The following SHCBP1L variants were observed in gnomAD, a reference collection of about 807,000 sequenced individuals.
SHCBP1L encodes the protein SHC binding and spindle associated 1 like, also known as testicular spindle-associated protein SHCBP1L.
A neutral mutation model predicts 62.5 loss-of-function variants in SHCBP1L; 67 were observed. The observed-to-expected ratio is 1.07, with a 90% confidence interval of 0.88 to 1.31. The LOEUF is 1.31. SHCBP1L is among the 40% of genes most tolerant of loss of function. The probability of loss-of-function intolerance (pLI) is 0.00; values close to 1 mark genes in which losing one functional copy is unlikely to be tolerated. For synonymous variants in SHCBP1L, 284 were observed against 289.4 expected (o/e 0.98, Z 0.19); for missense variants, 823 against 809.8 (o/e 1.02, Z -0.20).
intron 6 of SHCBP1L, among the ~76,000 whole-genome samples, chr1:182,925,824 G>T (rs899920927): frequency 6.6e-6 from 1 of 152,164 alleles, no homozygotes; most frequent in African/African-American, 2.4e-5. Flanking sequence ...ACCAACTGAT[G>T]AATGTATAAG....
Position 182,941,967 on chromosome 1 carries a change from G to A in SHCBP1L, c.556-1424C>T, listed in dbSNP as rs952829539. On this transcript the variant is annotated intron_variant, in intron 2 of 9. Transcript: ENST00000367547. ...CATTTACACTTAAAAAATGGGATGA[G>A]GTGGGATTCCCTCCTTCTTAAAAAT... 6.1e-6 allele frequency: 7 copies of A among 1,140,194 alleles called. No homozygotes were observed. In the African/African-American group the frequency reaches 9.2e-5, roughly 15 times the overall value. 70.6% of individuals were successfully genotyped at this position (1,140,194 alleles called of 1,614,324 possible). A position where few individuals can be genotyped will look rare whatever the true frequency, so the allele number is the denominator to read the frequency against.
chr1:182,936,130 G>GTTTTTTTTTTTTTTTTTTTTTTT (rs71127329), intron 5 of SHCBP1L, among the ~76,000 whole-genome samples: 5 of 63,982 alleles, frequency 7.8e-5, no homozygotes, highest in Non-Finnish European at 1.6e-4. Context: ...TTTGTTTTTT[G>GTTTTTTTTTTTTTTTTTTTTTTT]TTTTTTTTTT....
At chr1:182,940,282 CT>C in intron 3 of SHCBP1L, 46 bp downstream of exon 3, 1 of 1,516,318 alleles carries the variant, frequency 6.6e-7, no homozygotes, top group Non-Finnish European at 9.0e-7. Context: ...TTCACATTAA[CT>C]TTTGGATATA....
At chr1:182,918,558 T>G (rs1650431836) in intron 6 of SHCBP1L, among the ~76,000 whole-genome samples, 1 of 152,192 alleles carries the variant, frequency 6.6e-6, no homozygotes, top group African/African-American at 2.4e-5. Flanking sequence ...AAGATTTTAA[T>G]ATTGCTAAAA....
At chr1:182,920,420 A>G (rs892257691) in intron 6 of SHCBP1L, among the ~76,000 whole-genome samples, 1 of 152,158 alleles carries the variant, frequency 6.6e-6, no homozygotes, top group Admixed American at 6.6e-5. Context: ...AAAGCAAAAA[A>G]ACCCCATCCA....
chr1:182,931,378 A>G (rs1650991629), intron 5 of SHCBP1L, among the ~76,000 whole-genome samples: 1 of 152,138 alleles, frequency 6.6e-6, no homozygotes, highest in Non-Finnish European at 1.5e-5. Context: ...GTGTTTTTTA[A>G]TCAGGTTTAT....
intron 6 of SHCBP1L, among the ~76,000 whole-genome samples, chr1:182,918,213 C>T (rs1048554438): frequency 4.8e-5 from 7 of 147,002 alleles, no homozygotes; most frequent in African/African-American, 1.7e-4. Flanking sequence ...TATATATACA[C>T]ATATATATAC....
intron 6 of SHCBP1L, among the ~76,000 whole-genome samples, chr1:182,921,426 A>C (rs960274890): frequency 6.6e-6 from 1 of 152,248 alleles, no homozygotes; most frequent in Non-Finnish European, 1.5e-5. Flanking sequence ...TTCACACTAT[A>C]AAGTAACTGC....
chr1:182,930,727 A>ATGTTT (rs1557999584), intron 5 of SHCBP1L, among the ~76,000 whole-genome samples: 1 of 20,944 alleles, frequency 4.8e-5, no homozygotes, highest in African/African-American at 1.6e-4. Flanking sequence ...ATATATATGT[A>ATGTTT]TTTTTTTTTT....
chr1:182,930,589 AT>A (rs1650947276), intron 5 of SHCBP1L, among the ~76,000 whole-genome samples: 5 of 126,402 alleles, frequency 4.0e-5, no homozygotes, highest in East Asian at 2.2e-4. Context: ...ATATATATAT[AT>A]ATATACACAT....
At chr1:182,924,769 A>G (rs1571346141) in intron 6 of SHCBP1L, among the ~76,000 whole-genome samples, 1 of 115,054 alleles carries the variant, frequency 8.7e-6, no homozygotes, top group East Asian at 2.5e-4. Context: ...AGAAAGAAAG[A>G]AAGAAAGAAA....
intron 6 of SHCBP1L, among the ~76,000 whole-genome samples, chr1:182,924,793 A>AG (rs1491297529): frequency 8.4e-6 from 1 of 118,950 alleles, no homozygotes; most frequent in African/African-American, 4.9e-5. Flanking sequence ...AGAAAGAGAG[A>AG]AAGAAAGGAA....
intron 2 of SHCBP1L, chr1:182,944,351 GC>G (rs1651481210): frequency 2.0e-5 from 3 of 152,874 alleles, no homozygotes; most frequent in Non-Finnish European, 4.4e-5. Flanking sequence ...GTTGCAGTGA[GC>G]CGAGATCATG....
intron 6 of SHCBP1L, among the ~76,000 whole-genome samples, chr1:182,920,162 C>T (rs775705070): frequency 1.1e-4 from 16 of 152,218 alleles, no homozygotes; most frequent in Non-Finnish European, 2.2e-4. Flanking sequence ...TTGGTTAGCA[C>T]TCACCATCGA....
chr1:182,906,524 C>A (rs1355818804), intron 6 of SHCBP1L, among the ~76,000 whole-genome samples: 1 of 151,968 alleles, frequency 6.6e-6, no homozygotes, highest in South Asian at 2.1e-4. Context: ...CTCTGCCTCC[C>A]AGGTTCAACC....
intron 5 of SHCBP1L, among the ~76,000 whole-genome samples, chr1:182,931,571 C>G (rs1007240711): frequency 6.6e-6 from 1 of 152,066 alleles, no homozygotes; most frequent in African/African-American, 2.4e-5. Context: ...TCTGTCATTA[C>G]GTATTTCCCT....
intron 5 of SHCBP1L, among the ~76,000 whole-genome samples, chr1:182,934,918 C>G (rs1651118168): frequency 6.6e-6 from 1 of 152,076 alleles, no homozygotes. Context: ...AAGAGAATAT[C>G]CTTTTTCTAT....
chr1:182,941,655 CA>C (rs1651369288), intron 2 of SHCBP1L, among the ~76,000 whole-genome samples: 2 of 152,094 alleles, frequency 1.3e-5, no homozygotes, highest in African/African-American at 2.4e-5. Flanking sequence ...ACAATTCTGA[CA>C]GGGAGAGCCA....
At chr1:182,951,534 T>C in intron 1 of SHCBP1L, 67 bp from the exon 2 acceptor site, 1 of 1,126,414 alleles carries the variant, frequency 8.9e-7, no homozygotes, top group Non-Finnish European at 1.2e-6. Context: ...TAAGTGGTTT[T>C]TTTTTTTTTT....
Sources: gnomAD v4.1 joint callset for allele counts (sites outside exome capture counted in the v4.1 genomes callset) on GRCh38, gnomAD v4.1.1 for gene constraint, MANE v1.5 for transcripts, NCBI Gene and HGNC (gene_info 2026-07-23, HGNC 2026-07-21) for gene names.